MYO1D: variants seen among roughly 807,000 people sequenced by gnomAD.
MYO1D encodes myosin ID, also known as unconventional myosin-Id.
MYO1D carries 83 observed loss-of-function variants against 122.0 expected under a neutral mutation model. The ratio of observed to expected loss-of-function variants is 0.68; its 90% CI spans 0.57 to 0.82. MYO1D has a LOEUF of 0.82. MYO1D is among the 40% of genes least tolerant of loss of function. The pLI is 0.00. For synonymous variants in MYO1D, 464 were observed against 446.9 expected (o/e 1.04, Z -0.48); for missense variants, 1,157 against 1,269.5 (o/e 0.91, Z 1.35).
chr17:32,534,500 C>G (rs1338871828), intron 21 of MYO1D, among the ~76,000 whole-genome samples: 1 of 152,144 alleles, frequency 6.6e-6, no homozygotes, highest in Non-Finnish European at 1.5e-5. Context: ...AAGAAGAACA[C>G]CCCTAAGCAA....
chr17:32,509,171 G>A (rs766756256), intron 21 of MYO1D, among the ~76,000 whole-genome samples: 9 of 152,140 alleles, frequency 5.9e-5, no homozygotes, highest in African/African-American at 1.9e-4. Flanking sequence ...TACATGTCCC[G>A]GCCTGGTATC....
At chr17:32,822,506 GCTT>G in intron 1 of MYO1D, among the ~76,000 whole-genome samples, 1 of 151,082 alleles carries the variant, frequency 6.6e-6, no homozygotes, top group Non-Finnish European at 1.5e-5. Flanking sequence ...TCGGCGCGCC[GCTT>G]CTTCGGTTCC....
At chr17:32,741,810 G>A (rs1017771897) in intron 13 of MYO1D, among the ~76,000 whole-genome samples, 27 of 151,920 alleles carry the variant, frequency 1.8e-4, no homozygotes, top group African/African-American at 6.5e-4. Context: ...TCAGGAGATC[G>A]AGACCATCCT....
At chr17:32,599,700 T>C (rs1373682259) in intron 21 of MYO1D, among the ~76,000 whole-genome samples, 11 of 152,230 alleles carry the variant, frequency 7.2e-5, no homozygotes, top group Admixed American at 6.5e-4. Context: ...TTGCCCATGC[T>C]GGAGTGCAGT....
intron 21 of MYO1D, among the ~76,000 whole-genome samples, chr17:32,560,593 G>A (rs572026682): frequency 9.5e-6 from 1 of 104,868 alleles, no homozygotes; most frequent in African/African-American, 3.4e-5. Flanking sequence ...TATACCTAAA[G>A]TTAAAAATTC....
At chr17:32,627,783 G>A (rs144283957) in intron 20 of MYO1D, 3 of 152,274 alleles carry the variant, frequency 2.0e-5, no homozygotes, top group African/African-American at 7.2e-5. Context: ...AGAAGGGTAA[G>A]AAGAATTCTA....
intron 20 of MYO1D, among the ~76,000 whole-genome samples, chr17:32,629,740 A>G (rs1224646612): frequency 6.6e-6 from 1 of 151,854 alleles, no homozygotes; most frequent in Non-Finnish European, 1.5e-5. Flanking sequence ...CAAGAAAAAA[A>G]AAAAAAAAGG....
At chr17:32,554,104 T>C (rs1460979340) in intron 21 of MYO1D, among the ~76,000 whole-genome samples, 2 of 152,178 alleles carry the variant, frequency 1.3e-5, no homozygotes, top group Non-Finnish European at 2.9e-5. Flanking sequence ...CCTACAGCCA[T>C]TCAGTTGCCT....
intron 1 of MYO1D, among the ~76,000 whole-genome samples, chr17:32,839,889 C>T (rs1163349992): frequency 6.6e-6 from 1 of 152,188 alleles, no homozygotes; most frequent in Non-Finnish European, 1.5e-5. Flanking sequence ...GACGGTCTGA[C>T]AAAACTACCA....
chr17:32,812,254 C>A (rs1357165001), intron 1 of MYO1D, among the ~76,000 whole-genome samples: 1 of 152,218 alleles, frequency 6.6e-6, no homozygotes, highest in Non-Finnish European at 1.5e-5. Context: ...TTGAGGGCTA[C>A]ACAGAAGTGG....
intron 1 of MYO1D, among the ~76,000 whole-genome samples, chr17:32,822,122 C>A (rs899432916): frequency 3.9e-5 from 5 of 128,426 alleles, no homozygotes; most frequent in Non-Finnish European, 8.7e-5. Context: ...TTGGAACCAA[C>A]CCAAATGTCC....
At chr17:32,501,440 G>T (rs1909315229) in intron 21 of MYO1D, among the ~76,000 whole-genome samples, 1 of 152,208 alleles carries the variant, frequency 6.6e-6, no homozygotes. Context: ...ACACCTTGGA[G>T]GAAGGAATGC....
At chr17:32,615,495 G>A (rs1266545986) in intron 20 of MYO1D, among the ~76,000 whole-genome samples, 1 of 152,186 alleles carries the variant, frequency 6.6e-6, no homozygotes, top group Non-Finnish European at 1.5e-5. Context: ...AGAGGAGAGA[G>A]AGGACCTTAA....
At chr17:32,658,047 T>G (rs916473234) in intron 17 of MYO1D, among the ~76,000 whole-genome samples, 1 of 152,212 alleles carries the variant, frequency 6.6e-6, no homozygotes, top group African/African-American at 2.4e-5. Flanking sequence ...GATTGAAAAC[T>G]AATTATTTAT....
chr17:32,582,025 G>GGCCT (rs1415061936), intron 21 of MYO1D, among the ~76,000 whole-genome samples: 2 of 151,948 alleles, frequency 1.3e-5, no homozygotes, highest in Non-Finnish European at 2.9e-5. Context: ...CACCTGCCTT[G>GGCCT]GCCTCCTCCC....
chr17:32,743,399 C>A (rs1460497558), intron 13 of MYO1D, among the ~76,000 whole-genome samples: 1 of 152,078 alleles, frequency 6.6e-6, no homozygotes, highest in Non-Finnish European at 1.5e-5. Context: ...CAAAACAAAA[C>A]TCTTAATTTC....
chr17:32,582,810 C>T (rs1030353308), intron 21 of MYO1D, among the ~76,000 whole-genome samples: 38 of 152,136 alleles, frequency 2.5e-4, no homozygotes, highest in African/African-American at 8.9e-4. Context: ...TTGCTTTATA[C>T]ATTTTGAAAT....
intron 21 of MYO1D, among the ~76,000 whole-genome samples, chr17:32,585,724 C>G (rs950110690): frequency 1.1e-4 from 14 of 124,014 alleles, no homozygotes; most frequent in Non-Finnish European, 4.9e-5. Flanking sequence ...GGCAACAGAG[C>G]AAGAATCCGT....
At chr17:32,777,183 T>C (rs2090181397) in intron 3 of MYO1D, among the ~76,000 whole-genome samples, 1 of 152,148 alleles carries the variant, frequency 6.6e-6, no homozygotes, top group Non-Finnish European at 1.5e-5. Context: ...TCCCTGTCCT[T>C]GTCAAACTAG....
Sources: gnomAD v4.1 joint callset for allele counts (sites outside exome capture counted in the v4.1 genomes callset) on GRCh38, gnomAD v4.1.1 for gene constraint, MANE v1.5 for transcripts, NCBI Gene and HGNC (gene_info 2026-07-23, HGNC 2026-07-21) for gene names.